The following GLRA3 variants were observed in gnomAD, a reference collection of about 807,000 sequenced individuals.
GLRA3 encodes the protein glycine receptor alpha 3.
GLRA3 carries 44 observed loss-of-function variants against 60.4 expected under a neutral mutation model. That is an observed-to-expected ratio of 0.73 (90% CI 0.57 to 0.94). GLRA3 has a LOEUF of 0.94. GLRA3 is among the 40% of genes least tolerant of loss of function. GLRA3 has a pLI of 0.00. For synonymous variants in GLRA3, 223 were observed against 192.9 expected (o/e 1.16, Z -1.29); for missense variants, 508 against 564.6 (o/e 0.90, Z 1.02).
At chr4:174,675,362 T>C (rs2110947549) in intron 7 of GLRA3, among the ~76,000 whole-genome samples, 1 of 152,268 alleles carries the variant, frequency 6.6e-6, no homozygotes, top group Non-Finnish European at 1.5e-5. Context: ...CCATTCTGTG[T>C]TTTTAATTTA....
At chr4:174,726,248 C>T (rs1195828741) in intron 4 of GLRA3, among the ~76,000 whole-genome samples, 2 of 152,216 alleles carry the variant, frequency 1.3e-5, no homozygotes, top group Admixed American at 1.3e-4. Context: ...ATGTGGTCTT[C>T]CTGGCTCTGT....
intron 7 of GLRA3, among the ~76,000 whole-genome samples, chr4:174,661,342 C>T (rs762601176): frequency 1.3e-5 from 2 of 152,120 alleles, no homozygotes; most frequent in Non-Finnish European, 2.9e-5. Flanking sequence ...CAAAATTTTT[C>T]TCTAAAAGTG....
At chr4:174,773,277 T>C (rs1415080243) in intron 2 of GLRA3, among the ~76,000 whole-genome samples, 3 of 151,938 alleles carry the variant, frequency 2.0e-5, no homozygotes, top group Non-Finnish European at 4.4e-5. Flanking sequence ...ATGACAGTAG[T>C]TGCAGATGTT....
At chr4:174,670,449 T>A (rs1371768752) in intron 7 of GLRA3, among the ~76,000 whole-genome samples, 3 of 152,178 alleles carry the variant, frequency 2.0e-5, no homozygotes, top group African/African-American at 7.2e-5. Flanking sequence ...TAGTTTTACA[T>A]TCACTTTTAT....
chr4:174,675,101 G>A (rs1252376096), intron 7 of GLRA3, among the ~76,000 whole-genome samples: 1 of 151,906 alleles, frequency 6.6e-6, no homozygotes. Context: ...TTCTTTTAAG[G>A]TATCACTTTC....
At chr4:174,659,383 TTTG>T (rs950406456) in intron 7 of GLRA3, among the ~76,000 whole-genome samples, 186 bp from the exon 8 acceptor site, 5 of 152,176 alleles carry the variant, frequency 3.3e-5, no homozygotes, top group Admixed American at 3.3e-4. Context: ...TTATGAGCAT[TTTG>T]TTAATTTTTT....
chr4:174,741,255 T>C (rs2111169823), intron 3 of GLRA3, among the ~76,000 whole-genome samples: 1 of 152,314 alleles, frequency 6.6e-6, no homozygotes, highest in East Asian at 1.9e-4. Flanking sequence ...TTCAGATTTG[T>C]TTAAAAAATT....
chr4:174,800,146 A>C (rs538640099), intron 1 of GLRA3, among the ~76,000 whole-genome samples: 1 of 152,252 alleles, frequency 6.6e-6, no homozygotes, highest in African/African-American at 2.4e-5. Context: ...GCAAACCAGA[A>C]GAAAATGTAT....
At chr4:174,716,714 A>G (rs1331008746) in intron 4 of GLRA3, among the ~76,000 whole-genome samples, 1 of 152,174 alleles carries the variant, frequency 6.6e-6, no homozygotes, top group South Asian at 2.1e-4. Flanking sequence ...TACCTACTCC[A>G]GAGAGTTGCT....
At chr4:174,665,558 A>C in intron 7 of GLRA3, among the ~76,000 whole-genome samples, 1 of 152,206 alleles carries the variant, frequency 6.6e-6, no homozygotes, top group South Asian at 2.1e-4. Context: ...TTTGATTAGA[A>C]GGATGCAAAA....
intron 1 of GLRA3, among the ~76,000 whole-genome samples, chr4:174,799,458 TA>T (rs571532361): frequency 2.6e-4 from 39 of 152,312 alleles, no homozygotes; most frequent in Non-Finnish European, 5.3e-4. Flanking sequence ...GGGGTGGCAA[TA>T]AATTCCGTAA....
At position 174,667,975 on chromosome 4, in the gene GLRA3, G is replaced by A. The variant is rs143865763; in HGVS notation, c.928-8778C>T. On this transcript the variant is annotated intron_variant, in intron 7 of 9. Transcript: ENST00000274093. ...GGGCTTGGTGGGAGGTAGTTCCATC[G>A]TGGGGTTGGTTTCTAATGGTTTGGC... Among the ~76,000 whole-genome samples, 692 of 152,228 alleles carry A rather than the reference G, an allele frequency of 4.5e-3. 7 individuals are homozygous for A. Among genetic ancestry groups the A allele is most frequent in the African/African-American group, 0.015 (643 of 41,554 alleles).
At position 174,688,295 on chromosome 4, in the gene GLRA3, T is replaced by C. The variant is rs371973239; in HGVS notation, c.575-5356A>G. ...ACCTATTTTCTGTTTATTTTTTCCA[T>C]AGTACTTATCCTTACCTGACATCAT... On this transcript the variant is annotated intron_variant, in intron 5 of 9. Transcript: ENST00000274093. 2.2e-5 allele frequency among the ~76,000 whole-genome samples: 3 copies of C among 137,976 alleles called. No individual in the cohort carries two copies. In the East Asian group the frequency reaches 6.4e-4, roughly 29 times the overall value. The allele number at this position is 137,976 out of a possible 152,430, so 90.5% of individuals were successfully genotyped here. A position where few individuals can be genotyped will look rare whatever the true frequency, so the allele number is the denominator to read the frequency against.
chr4:174,675,697 AT>A (rs1283000684), intron 7 of GLRA3, among the ~76,000 whole-genome samples: 1 of 152,192 alleles, frequency 6.6e-6, no homozygotes, highest in African/African-American at 2.4e-5. Flanking sequence ...CATGAAAAAT[AT>A]TTTAGAAAAC....
chr4:174,654,431 C>T (rs965207026), intron 9 of GLRA3, among the ~76,000 whole-genome samples: 3 of 151,998 alleles, frequency 2.0e-5, no homozygotes, highest in African/African-American at 7.2e-5. Flanking sequence ...CAAAAGATAA[C>T]CATTGTGCCT....
intron 3 of GLRA3, among the ~76,000 whole-genome samples, chr4:174,754,451 C>T (rs1737608000): frequency 6.6e-6 from 1 of 152,034 alleles, no homozygotes; most frequent in Admixed American, 6.6e-5. Context: ...AAGATGTAAA[C>T]AGATATAATT....
chr4:174,784,405 C>T (rs1244226169), intron 2 of GLRA3, among the ~76,000 whole-genome samples: 1 of 142,036 alleles, frequency 7.0e-6, no homozygotes, highest in African/African-American at 2.6e-5. Flanking sequence ...CAGCATGGCA[C>T]ATGTATACAT....
chr4:174,746,256 C>A (rs79638109), intron 3 of GLRA3, among the ~76,000 whole-genome samples: 24,067 of 152,064 alleles, frequency 0.16, 2,494 homozygotes, highest in African/African-American at 0.3. Context: ...TGTCTATTAA[C>A]AGGTGAATGA....
intron 2 of GLRA3, among the ~76,000 whole-genome samples, chr4:174,784,721 C>T (rs1052796051): frequency 5.9e-5 from 9 of 152,072 alleles, no homozygotes. Flanking sequence ...TTTTTAGCAG[C>T]TCTCAGAACA....
Sources: allele counts gnomAD v4.1 joint callset (sites outside exome capture counted in the v4.1 genomes callset), GRCh38; gene constraint gnomAD v4.1.1; transcripts MANE v1.5; gene names NCBI Gene and HGNC (gene_info 2026-07-23, HGNC 2026-07-21).